Variants in DPP6 observed in about 807,000 individuals in gnomAD.
DPP6 encodes the protein A-type potassium channel modulatory protein DPP6.
In DPP6, 69 loss-of-function variants were observed where a neutral mutation model predicts 122.6. The observed-to-expected ratio is 0.56, with a 90% CI of 0.46 to 0.69. DPP6 has a LOEUF of 0.69. DPP6 is among the 30% of genes least tolerant of loss of function. The pLI is 0.00. For missense variants in DPP6, 928 were observed against 1,116.9 expected (o/e 0.83, Z 2.41); for synonymous variants, 418 against 433.1 (o/e 0.97, Z 0.43).
At chr7:153,808,067 G>A in the DPP6 span, among the ~76,000 whole-genome samples, 665 of 152,154 alleles carry the variant, frequency 4.4e-3, 12 homozygotes, top group African/African-American at 0.015. Context: ...CTTTGTTAAC[G>A]TATGACAAAT....
At chr7:154,227,817 C>T (rs1285068250) in intron 1 of DPP6, among the ~76,000 whole-genome samples, 1 of 152,084 alleles carries the variant, frequency 6.6e-6, no homozygotes, top group Non-Finnish European at 1.5e-5. Context: ...GGTGGAAACC[C>T]CTGCTATTTG....
Position 154,880,230 on chromosome 7 carries a change from A to G in DPP6, c.2079-658A>G, listed in dbSNP as rs928791134. Among the ~76,000 whole-genome samples, 4 of 152,166 alleles carry G rather than the reference A, an allele frequency of 2.6e-5. No individual in the cohort carries two copies. The East Asian group carries it at 5.8e-4, about 22-fold the overall frequency. On this transcript the variant is annotated intron_variant, in intron 20 of 25. Transcript: ENST00000377770. Reference sequence around the variant, plus strand: ...TTCGTGGGGGAAGCAGAAGACCACAATGCGGGGCAAGGTCCCAGCAAGGGT... The same window carrying G: ...TTCGTGGGGGAAGCAGAAGACCACAGTGCGGGGCAAGGTCCCAGCAAGGGT...
At chr7:154,538,171 T>C (rs1424936427) in intron 3 of DPP6, among the ~76,000 whole-genome samples, 1 of 152,210 alleles carries the variant, frequency 6.6e-6, no homozygotes, top group Non-Finnish European at 1.5e-5. Flanking sequence ...ATGGTCTCAT[T>C]GGTTTCCGTA....
At position 154,361,044 on chromosome 7, in the gene DPP6, A is replaced by G. The variant is rs376232019; in HGVS notation, c.244-85170A>G. On this transcript the variant is annotated intron_variant, in intron 1 of 25. Transcript: ENST00000377770. ...GCTGGATTCTGTGGGCCAGTGGCCTATGAGAAGATTTCAGCATTGAGATTC... is the reference window on the plus strand; with the variant it reads ...GCTGGATTCTGTGGGCCAGTGGCCTGTGAGAAGATTTCAGCATTGAGATTC... Among the ~76,000 whole-genome samples the G allele has an allele frequency of 5.3e-5, 8 of 152,172 alleles. No homozygotes were observed. The South Asian group carries it at 1.7e-3, about 31-fold the overall frequency.
At chr7:154,263,353 G>A (rs561180821) in intron 1 of DPP6, among the ~76,000 whole-genome samples, 1 of 152,302 alleles carries the variant, frequency 6.6e-6, no homozygotes, top group Non-Finnish European at 1.5e-5. Context: ...TTAGGGAGCT[G>A]ATTAGAACAG....
chr7:153,774,513 A>C, the DPP6 span, among the ~76,000 whole-genome samples: 1 of 152,210 alleles, frequency 6.6e-6, no homozygotes, highest in Non-Finnish European at 1.5e-5. Context: ...CAAAAGGTTA[A>C]CCATGAATCA....
At chr7:154,767,185 G>T (rs1156320952) in intron 8 of DPP6, among the ~76,000 whole-genome samples, 1 of 152,116 alleles carries the variant, frequency 6.6e-6, no homozygotes, top group Non-Finnish European at 1.5e-5. Context: ...AATGTCCCGT[G>T]GAAACCACTG....
At position 154,320,766 on chromosome 7, in the gene DPP6, G is replaced by A. The variant is rs368493006; in HGVS notation, c.244-125448G>A. Among the ~76,000 whole-genome samples the A allele has an allele frequency of 1.2e-4, 19 of 152,288 alleles. No individual in the cohort carries two copies. In the East Asian group the frequency reaches 1.6e-3, roughly 12 times the overall value. On this transcript the variant is annotated intron_variant, in intron 1 of 25. Transcript: ENST00000377770. ...CTCCCAACGTGCTGGGATTACAGGC[G>A]TGAGCCACTGTGCCCGGCCCCTATT... is the stretch of plus-strand genomic sequence containing the variant.
intron 8 of DPP6, among the ~76,000 whole-genome samples, chr7:154,728,274 G>A (rs1486730856): frequency 6.6e-6 from 1 of 152,248 alleles, no homozygotes; most frequent in Non-Finnish European, 1.5e-5. Context: ...CAAGACATAA[G>A]TGCCTCGTTT....
At chr7:153,912,296 T>G (rs2129003560) in intron 1 of DPP6, among the ~76,000 whole-genome samples, 1 of 152,266 alleles carries the variant, frequency 6.6e-6, no homozygotes, top group Admixed American at 6.5e-5. Flanking sequence ...TAAAACGAAC[T>G]GGAACCGTCG....
chr7:154,179,562 C>A (rs781726297), intron 1 of DPP6, among the ~76,000 whole-genome samples: 2 of 152,144 alleles, frequency 1.3e-5, no homozygotes, highest in Non-Finnish European at 2.9e-5. Flanking sequence ...CTGGCATGAG[C>A]TCCCCATGTC....
At chr7:153,871,453 G>A in the DPP6 span, among the ~76,000 whole-genome samples, 16 of 152,342 alleles carry the variant, frequency 1.1e-4, no homozygotes, top group African/African-American at 3.4e-4. Context: ...TCCGAGCCAA[G>A]TGCGGGATAT....
chr7:154,144,516 C>T (rs1292201431), intron 1 of DPP6, among the ~76,000 whole-genome samples: 1 of 151,784 alleles, frequency 6.6e-6, no homozygotes, highest in African/African-American at 2.4e-5. Flanking sequence ...GCTTAGAAAC[C>T]ATCTTTCCTA....
intron 1 of DPP6, among the ~76,000 whole-genome samples, chr7:154,275,088 G>A (rs536572631): frequency 5.3e-5 from 8 of 152,352 alleles, no homozygotes; most frequent in African/African-American, 1.2e-4. Flanking sequence ...TGGCACTTCC[G>A]GCACGCTGCC....
intron 25 of DPP6, chr7:154,890,532 C>A (rs1003845290): frequency 6.6e-6 from 1 of 152,310 alleles, no homozygotes; most frequent in South Asian, 2.1e-4. Context: ...GCACACTGAC[C>A]ATGGACGCTC....
intron 7 of DPP6, among the ~76,000 whole-genome samples, chr7:154,684,477 T>G (rs1839479075): frequency 6.6e-6 from 1 of 152,240 alleles, no homozygotes; most frequent in African/African-American, 2.4e-5. Context: ...TTACCCAAGA[T>G]GAAAATCAAT....
chr7:154,520,030 G>A lies in DPP6; in HGVS notation c.458-20502G>A, dbSNP rs553290028. Among the ~76,000 whole-genome samples, 30 of 152,240 alleles carry A rather than the reference G, an allele frequency of 2.0e-4. 1 individual carries two copies. The highest frequency in any genetic ancestry group is 3.1e-4 in the Non-Finnish European group (21 of 68,012). ...ATTACTGAAAATGAAAGACTGCAAG[G>A]TAAAGTAACTGCTCTCAAAAAACGC... On this transcript the variant is annotated intron_variant, in intron 3 of 25. Coordinates refer to ENST00000377770, the MANE Select transcript of DPP6 (RefSeq NM_130797.4).
In DPP6 at chr7:154,518,573, A is replaced by C. The variant is rs111639918; in HGVS notation, c.458-21959A>C. 3.0e-3 allele frequency among the ~76,000 whole-genome samples: 456 copies of C among 152,248 alleles called. 3 individuals are homozygous for C. Among genetic ancestry groups the C allele is most frequent in the African/African-American group, 0.011 (439 of 41,546 alleles). ...TCCAGATGATGAATTGCACAGTCTT[A>C]TTGGAAGTATGTGAAATGGGAGGAC... On this transcript the variant is annotated intron_variant, in intron 3 of 25. Transcript: ENST00000377770.
At chr7:154,466,591 G>A (rs1189811097) in intron 2 of DPP6, among the ~76,000 whole-genome samples, 1 of 152,180 alleles carries the variant, frequency 6.6e-6, no homozygotes, top group Non-Finnish European at 1.5e-5. Context: ...AGTCCTACCA[G>A]ATTAGAGCTT....
Sources: allele counts gnomAD v4.1 joint callset (sites outside exome capture counted in the v4.1 genomes callset), GRCh38; gene constraint gnomAD v4.1.1; transcripts MANE v1.5; gene names NCBI Gene and HGNC (gene_info 2026-07-23, HGNC 2026-07-21).